CHRNA7: variants seen among roughly 807,000 people sequenced by gnomAD.
CHRNA7 encodes the protein neuronal acetylcholine receptor subunit alpha-7.
In CHRNA7, 17 loss-of-function variants were observed where a neutral mutation model predicts 48.0. The observed-to-expected ratio is 0.35, with a 90% CI of 0.24 to 0.53. The LOEUF is 0.53. Ranked by LOEUF, CHRNA7 falls within the 20% of genes least tolerant of loss-of-function variation. The pLI, the probability that CHRNA7 is intolerant of heterozygous loss-of-function variation, is 0.92. For synonymous variants in CHRNA7, 75 were observed against 242.3 expected, an observed-to-expected ratio of 0.31 and a Z score of 6.41; for missense variants, 155 against 577.7, an observed-to-expected ratio of 0.27 and a Z score of 7.50.
intron 2 of CHRNA7, among the ~76,000 whole-genome samples, chr15:32,062,925 C>T (rs780400730): frequency 6.6e-6 from 1 of 152,150 alleles, no homozygotes; most frequent in Non-Finnish European, 1.5e-5. Flanking sequence ...CACACTTAGG[C>T]TATATGGTAG....
intron 9 of CHRNA7, chr15:32,163,551 G>A: frequency 6.0e-6 from 1 of 165,696 alleles, no homozygotes; most frequent in South Asian, 8.5e-5. Context: ...CTGGATTCAA[G>A]CAATTCTCCT....
intron 4 of CHRNA7, among the ~76,000 whole-genome samples, chr15:32,152,506 C>G (rs779413352): frequency 2.4e-4 from 36 of 152,202 alleles, no homozygotes; most frequent in Admixed American, 4.6e-4. Flanking sequence ...CGCGGGAGGC[C>G]GAGAGAGTGC....
At chr15:32,146,866 G>A (rs1004759408) in intron 4 of CHRNA7, among the ~76,000 whole-genome samples, 2 of 152,102 alleles carry the variant, frequency 1.3e-5, no homozygotes, top group African/African-American at 4.8e-5. Flanking sequence ...GATGAGCAAA[G>A]GATCAGTAAT....
chr15:32,114,232 T>G (rs986850018), intron 4 of CHRNA7, among the ~76,000 whole-genome samples: 2 of 151,840 alleles, frequency 1.3e-5, no homozygotes, highest in Admixed American at 1.3e-4. Flanking sequence ...GCAGTTTATA[T>G]GGCCTATGTG....
At chr15:32,058,467 T>C (rs1405986996) in intron 2 of CHRNA7, among the ~76,000 whole-genome samples, 1 of 152,208 alleles carries the variant, frequency 6.6e-6, no homozygotes, top group African/African-American at 2.4e-5. Context: ...CATTGATGTG[T>C]CGGCACAAGG....
At chr15:32,030,805 C>G in intron 1 of CHRNA7, 93 bp from the exon 2 acceptor site, 1 of 1,527,130 alleles carries the variant, frequency 6.5e-7, no homozygotes, top group Non-Finnish European at 8.8e-7. Flanking sequence ...CTGGGCTGCA[C>G]CGGGTGGGCG....
At chr15:32,098,156 C>T (rs534592855) in intron 2 of CHRNA7, among the ~76,000 whole-genome samples, 3 of 152,254 alleles carry the variant, frequency 2.0e-5, no homozygotes, top group South Asian at 2.1e-4. Context: ...GTACAAATCC[C>T]GAGGCAAGGA....
At chr15:32,150,452 G>A (rs2051602634) in intron 4 of CHRNA7, among the ~76,000 whole-genome samples, 1 of 152,096 alleles carries the variant, frequency 6.6e-6, no homozygotes, top group Non-Finnish European at 1.5e-5. Context: ...GTAATTGGAG[G>A]GACAGACTTT....
In CHRNA7 at chr15:32,030,551, C is replaced by A. The variant is rs767515800; in HGVS notation, c.-44C>A. 5.5e-6 allele frequency: 8 copies of A among 1,444,330 alleles called. No individual in the cohort carries two copies. The highest frequency in any genetic ancestry group is 5.2e-5 in the Admixed American group (2 of 38,106). The allele number at this position is 1,444,330 out of a possible 1,614,324, so 89.5% of individuals were successfully genotyped here. A position where few individuals can be genotyped will look rare whatever the true frequency, so the allele number is the denominator to read the frequency against. ...CGCAGGCGCAGGCCCGGGCGACAGC[C>A]GAGACGTGGAGCGCGCCGGCTCGCT... is the stretch of plus-strand genomic sequence containing the variant. On this transcript the variant is annotated 5_prime_UTR_variant, in exon 1 of 10. Transcript: ENST00000306901.
At chr15:32,073,461 G>A (rs62003565) in intron 2 of CHRNA7, among the ~76,000 whole-genome samples, 4,113 of 152,284 alleles carry the variant, frequency 0.027, 82 homozygotes, top group Middle Eastern at 0.048. Context: ...TTGAGTTAAT[G>A]CTGGAATAAG....
intron 4 of CHRNA7, among the ~76,000 whole-genome samples, chr15:32,120,561 C>T (rs1045938562): frequency 2.6e-5 from 4 of 151,944 alleles, no homozygotes; most frequent in Non-Finnish European, 5.9e-5. Flanking sequence ...AGGGCAGTGC[C>T]ACAGCAGAGC....
intron 4 of CHRNA7, among the ~76,000 whole-genome samples, chr15:32,114,044 G>GTGTA (rs2050814839): frequency 1.6e-5 from 1 of 63,606 alleles, no homozygotes; most frequent in African/African-American, 5.7e-5. Flanking sequence ...ATATATATAT[G>GTGTA]TATATATATA....
chr15:32,032,618 A>T (rs1350191717), intron 2 of CHRNA7, among the ~76,000 whole-genome samples: 4 of 152,166 alleles, frequency 2.6e-5, no homozygotes, highest in Non-Finnish European at 4.4e-5. Flanking sequence ...TGAGAAAGGG[A>T]CAGTAGCCCC....
intron 2 of CHRNA7, among the ~76,000 whole-genome samples, chr15:32,087,535 G>C (rs1440830898): frequency 1.3e-5 from 2 of 152,280 alleles, no homozygotes; most frequent in Middle Eastern, 6.8e-3. Context: ...AGAGCAAAGA[G>C]TTATATGTGT....
intron 4 of CHRNA7, among the ~76,000 whole-genome samples, chr15:32,148,863 A>AG (rs1193602626): frequency 6.6e-6 from 1 of 152,208 alleles, no homozygotes; most frequent in African/African-American, 2.4e-5. Flanking sequence ...GCCCTCCGCC[A>AG]GGGGCCTGTC....
intron 2 of CHRNA7, among the ~76,000 whole-genome samples, chr15:32,055,906 G>A (rs1187660711): frequency 6.6e-6 from 1 of 151,982 alleles, no homozygotes; most frequent in Non-Finnish European, 1.5e-5. Flanking sequence ...GTGAACCCGG[G>A]AGGCGGAGCT....
chr15:32,077,338 G>A (rs7163867), intron 2 of CHRNA7, among the ~76,000 whole-genome samples: 149,366 of 152,292 alleles, frequency 0.98, 73,320 homozygotes, highest in East Asian at 1. Context: ...GGATTAAATG[G>A]TAAGAGTATG....
chr15:32,092,340 A>G (rs763125257), intron 2 of CHRNA7, among the ~76,000 whole-genome samples: 1 of 152,184 alleles, frequency 6.6e-6, no homozygotes, highest in African/African-American at 2.4e-5. Context: ...TTGATCCAAG[A>G]CTTATATAGT....
intron 4 of CHRNA7, among the ~76,000 whole-genome samples, chr15:32,152,378 G>C (rs1257387012): frequency 6.6e-6 from 1 of 152,170 alleles, no homozygotes; most frequent in Non-Finnish European, 1.5e-5. Context: ...AGGAGGCAGA[G>C]GTTGCAGTGA....
Sources: gnomAD v4.1 joint callset for allele counts (sites outside exome capture counted in the v4.1 genomes callset) on GRCh38, gnomAD v4.1.1 for gene constraint, MANE v1.5 for transcripts, NCBI Gene and HGNC (gene_info 2026-07-23, HGNC 2026-07-21) for gene names.